The following RORA variants were observed in gnomAD, a reference collection of about 807,000 sequenced individuals.
The protein encoded by RORA is RAR related orphan receptor A.
In RORA, 7 loss-of-function variants were observed where a neutral mutation model predicts 69.5. That is an observed-to-expected ratio of 0.10 (90% CI 0.06 to 0.19). RORA has a LOEUF of 0.19. RORA is among the 10% of genes least tolerant of loss of function. RORA has a pLI of 1.00. For synonymous variants in RORA, 261 were observed against 240.8 expected (o/e 1.08, Z -0.78); for missense variants, 457 against 663.0 (o/e 0.69, Z 3.41).
chr15:60,867,275 G>A (rs1206414977), intron 1 of RORA, among the ~76,000 whole-genome samples: 1 of 152,256 alleles, frequency 6.6e-6, no homozygotes, highest in East Asian at 1.9e-4. Flanking sequence ...TGGCAACTTC[G>A]AAATTATAGC....
At chr15:60,795,249 A>G (rs2072477570) in intron 1 of RORA, among the ~76,000 whole-genome samples, 1 of 152,166 alleles carries the variant, frequency 6.6e-6, no homozygotes, top group Non-Finnish European at 1.5e-5. Context: ...CCCGAAGTCA[A>G]TGTTTCAAAT....
At position 60,543,170 on chromosome 15, in the gene RORA, CTTTTTTTTT is replaced by C. The variant is rs200401959; in HGVS notation, c.197-11328_197-11320del. 1.0e-4 allele frequency among the ~76,000 whole-genome samples: 13 copies of C among 125,422 alleles called. 1 individual carries two copies. Among genetic ancestry groups the C allele is most frequent in the African/African-American group, 3.6e-4 (9 of 24,898 alleles). The allele number at this position is 125,422 out of a possible 152,430, so 82.3% of individuals were successfully genotyped here. A position where few individuals can be genotyped will look rare whatever the true frequency, so the allele number is the denominator to read the frequency against. ...TAGGAATTAAGGATGAAAGTGAAAA[CTTTTTTTTT>C]TTTTTTTTTTTTTTTTTTTTTTTTT... On this transcript the variant is annotated intron_variant, in intron 2 of 10. Transcript: ENST00000335670.
At chr15:60,730,459 C>A (rs1303648206) in intron 1 of RORA, among the ~76,000 whole-genome samples, 1 of 152,192 alleles carries the variant, frequency 6.6e-6, no homozygotes, top group South Asian at 2.1e-4. Flanking sequence ...AGAAATAATA[C>A]ATGCTGGCTG....
intron 1 of RORA, among the ~76,000 whole-genome samples, chr15:61,014,457 A>G (rs1467091435): frequency 6.6e-6 from 1 of 152,204 alleles, no homozygotes; most frequent in Non-Finnish European, 1.5e-5. Flanking sequence ...CCTACCTTAC[A>G]TTTGTCCCTA....
intron 1 of RORA, among the ~76,000 whole-genome samples, chr15:61,009,108 T>C (rs1895008856): frequency 6.6e-6 from 1 of 152,176 alleles, no homozygotes; most frequent in Non-Finnish European, 1.5e-5. Flanking sequence ...AAGAATGTCA[T>C]ATGCCATTAG....
chr15:60,628,910 G>A (rs2140646637), intron 2 of RORA, among the ~76,000 whole-genome samples: 1 of 152,342 alleles, frequency 6.6e-6, no homozygotes, highest in Admixed American at 6.5e-5. Context: ...GAGGTGTCTG[G>A]AAAGGGGGTG....
At chr15:60,788,759 C>T (rs1595715495) in intron 1 of RORA, among the ~76,000 whole-genome samples, 2 of 152,202 alleles carry the variant, frequency 1.3e-5, no homozygotes, top group South Asian at 2.1e-4. Context: ...GCCACACCCA[C>T]GGCCCATCCA....
At chr15:60,800,790 G>A (rs1303489926) in intron 1 of RORA, among the ~76,000 whole-genome samples, 1 of 152,174 alleles carries the variant, frequency 6.6e-6, no homozygotes, top group African/African-American at 2.4e-5. Flanking sequence ...TCTTTGGGAA[G>A]AGGCCTGCTC....
intron 1 of RORA, among the ~76,000 whole-genome samples, chr15:60,993,277 A>G (rs1265674579): frequency 6.6e-6 from 1 of 152,102 alleles, no homozygotes; most frequent in Non-Finnish European, 1.5e-5. Flanking sequence ...CCTTCATAAC[A>G]TTATTGTGGG....
intron 1 of RORA, among the ~76,000 whole-genome samples, chr15:60,840,647 C>T (rs1170582087): frequency 6.6e-6 from 1 of 152,230 alleles, no homozygotes; most frequent in East Asian, 1.9e-4. Context: ...ATGTGTCCCG[C>T]CACTGCTAGG....
intron 1 of RORA, among the ~76,000 whole-genome samples, chr15:61,076,764 T>C (rs1214296166): frequency 6.6e-6 from 1 of 152,198 alleles, no homozygotes; most frequent in Non-Finnish European, 1.5e-5. Context: ...GTCCTTGAAC[T>C]GCCATCAACC....
chr15:60,923,161 G>A (rs1018868115), intron 1 of RORA, among the ~76,000 whole-genome samples: 1 of 152,190 alleles, frequency 6.6e-6, no homozygotes, highest in Non-Finnish European at 1.5e-5. Flanking sequence ...GTCCTCTGAA[G>A]TCTGAACAAA....
intron 2 of RORA, among the ~76,000 whole-genome samples, chr15:60,551,819 C>G (rs888139536): frequency 1.3e-5 from 2 of 152,164 alleles, no homozygotes; most frequent in African/African-American, 4.8e-5. Flanking sequence ...CTAAGGTTAC[C>G]AAGCTTGGGC....
At chr15:60,738,666 AT>A (rs1476081878) in intron 1 of RORA, among the ~76,000 whole-genome samples, 1 of 152,264 alleles carries the variant, frequency 6.6e-6, no homozygotes, top group African/African-American at 2.4e-5. Context: ...GAAAATTAAA[AT>A]AGTTTTGTTG....
At chr15:60,700,888 C>A (rs915271171) in intron 1 of RORA, among the ~76,000 whole-genome samples, 2 of 152,298 alleles carry the variant, frequency 1.3e-5, no homozygotes, top group Middle Eastern at 3.4e-3. Context: ...CTTAATCCAG[C>A]CTGCTGTGGT....
At chr15:61,184,727 G>A (rs1242380267) in intron 1 of RORA, among the ~76,000 whole-genome samples, 2 of 152,084 alleles carry the variant, frequency 1.3e-5, no homozygotes, top group Non-Finnish European at 2.9e-5. Context: ...GCTCAAACCT[G>A]TAATCCCAGT....
intron 1 of RORA, among the ~76,000 whole-genome samples, chr15:60,852,103 C>T (rs181870292): frequency 1.8e-4 from 27 of 152,338 alleles, no homozygotes; most frequent in African/African-American, 6.5e-4. Flanking sequence ...CGATGGCACA[C>T]CAGCGCTTGA....
At chr15:60,579,462 T>C (rs1388719273) in intron 2 of RORA, among the ~76,000 whole-genome samples, 1 of 80,286 alleles carries the variant, frequency 1.2e-5, no homozygotes, top group Non-Finnish European at 2.8e-5. Context: ...CCCTTCCTGC[T>C]TAAAAAAAAA....
At chr15:60,617,651 CAT>C (rs2069281954) in intron 2 of RORA, among the ~76,000 whole-genome samples, 1 of 127,330 alleles carries the variant, frequency 7.9e-6, no homozygotes, top group Non-Finnish European at 1.6e-5. Flanking sequence ...CACATACACA[CAT>C]ACAGACAGAG....
Sources: gnomAD v4.1 joint callset for allele counts (sites outside exome capture counted in the v4.1 genomes callset) on GRCh38, gnomAD v4.1.1 for gene constraint, MANE v1.5 for transcripts, NCBI Gene and HGNC (gene_info 2026-07-23, HGNC 2026-07-21) for gene names.